RDX: variants seen among roughly 807,000 people sequenced by gnomAD.
The protein encoded by RDX is radixin.
RDX carries 32 observed loss-of-function variants against 83.7 expected under a neutral mutation model. The ratio of observed to expected loss-of-function variants is 0.38; its 90% CI spans 0.29 to 0.51. The LOEUF is 0.51. RDX is among the 20% of genes least tolerant of loss of function. RDX has a pLI of 0.87. For synonymous variants in RDX, 229 were observed against 222.7 expected (o/e 1.03, Z -0.25); for missense variants, 600 against 689.9 (o/e 0.87, Z 1.46).
intron 12 of RDX, 50 bp from the exon 13 acceptor site, chr11:110,233,529 T>A: frequency 6.3e-7 from 1 of 1,589,974 alleles, no homozygotes; most frequent in South Asian, 1.1e-5. Context: ...AAATTAATAA[T>A]CAAAACAATC....
At chr11:110,240,397 G>A (rs1264076676) in intron 10 of RDX, among the ~76,000 whole-genome samples, 1 of 152,108 alleles carries the variant, frequency 6.6e-6, no homozygotes, top group Non-Finnish European at 1.5e-5. Context: ...GAGTTGAAGG[G>A]AGGAGAAAAA....
At chr11:110,205,052 G>T (rs764842991) in intron 14 of RDX, among the ~76,000 whole-genome samples, 1 of 151,948 alleles carries the variant, frequency 6.6e-6, no homozygotes, top group South Asian at 2.1e-4. Flanking sequence ...ATTGACACAG[G>T]GATAGAAACA....
At chr11:110,234,759 T>C (rs1014201148) in intron 12 of RDX, among the ~76,000 whole-genome samples, 1 of 152,208 alleles carries the variant, frequency 6.6e-6, no homozygotes, top group African/African-American at 2.4e-5. Context: ...TTTATTTATA[T>C]ATAACTAATT....
At chr11:110,250,728 A>G (rs758481743) in intron 9 of RDX, among the ~76,000 whole-genome samples, 5 of 152,310 alleles carry the variant, frequency 3.3e-5, no homozygotes, top group Admixed American at 6.5e-5. Flanking sequence ...GAAAAATGGA[A>G]TAAGTATACA....
At chr11:110,258,673 C>A (rs1385754671) in intron 5 of RDX, among the ~76,000 whole-genome samples, 1 of 152,060 alleles carries the variant, frequency 6.6e-6, no homozygotes, top group African/African-American at 2.4e-5. Flanking sequence ...AAAGACCAGA[C>A]TGAAAACCAG....
At chr11:110,225,573 G>T (rs910134805), downstream of RDX, among the ~76,000 whole-genome samples, 6 of 152,202 alleles carry the variant, frequency 3.9e-5, no homozygotes, top group African/African-American at 1.4e-4. Flanking sequence ...ATGAGGTACT[G>T]CTTCACCATT....
chr11:110,252,844 T>C (rs1859395040), intron 9 of RDX, among the ~76,000 whole-genome samples: 1 of 152,128 alleles, frequency 6.6e-6, no homozygotes, highest in Admixed American at 6.6e-5. Flanking sequence ...GTTGCCCTGA[T>C]TGTCTTCAAA....
Position 110,252,437 on chromosome 11 carries a change from T to A in RDX, c.959+1509A>T, listed in dbSNP as rs139501674. Among the ~76,000 whole-genome samples the A allele has an allele frequency of 2.0e-3, 298 of 152,228 alleles. 2 individuals are homozygous for A. The highest frequency in any genetic ancestry group is 8.5e-3 in the East Asian group (44 of 5,188). On this transcript the variant is annotated intron_variant, in intron 9 of 13. Transcript: ENST00000645495. Reference sequence around the variant, plus strand: ...GAGAATGTAAATAATATATCAACATTATGAATGAGCAGAACAGTTAGGCAT... The same window carrying A: ...GAGAATGTAAATAATATATCAACATAATGAATGAGCAGAACAGTTAGGCAT...
chr11:110,222,517 C>T (rs1382609427), intron 14 of RDX, among the ~76,000 whole-genome samples: 14 of 152,144 alleles, frequency 9.2e-5, no homozygotes, highest in African/African-American at 1.7e-4. Context: ...ACTAAATGGA[C>T]CGGGCATGGT....
chr11:110,244,387 A>AAAAG (rs1865223462), intron 10 of RDX, among the ~76,000 whole-genome samples: 2 of 149,322 alleles, frequency 1.3e-5, no homozygotes, highest in African/African-American at 2.5e-5. Context: ...AAAAAAAAAA[A>AAAAG]AGAGAGTGGA....
chr11:110,241,436 A>G (rs1429797605), intron 10 of RDX, among the ~76,000 whole-genome samples: 1 of 152,120 alleles, frequency 6.6e-6, no homozygotes, highest in Non-Finnish European at 1.5e-5. Flanking sequence ...AGCTGGGATT[A>G]CAGACGTGTG....
At chr11:110,242,854 C>T (rs1378410839) in intron 10 of RDX, among the ~76,000 whole-genome samples, 1 of 151,940 alleles carries the variant, frequency 6.6e-6, no homozygotes, top group Non-Finnish European at 1.5e-5. Flanking sequence ...TGGAGCAAAC[C>T]CAATCCAATG....
intron 1 of RDX, among the ~76,000 whole-genome samples, chr11:110,284,331 T>TA: frequency 6.6e-6 from 1 of 152,200 alleles, no homozygotes; most frequent in Non-Finnish European, 1.5e-5. Flanking sequence ...TTCTTTACAA[T>TA]AGCCAATGAT....
chr11:110,244,168 C>T (rs181088801), intron 10 of RDX, among the ~76,000 whole-genome samples: 62 of 151,838 alleles, frequency 4.1e-4, no homozygotes, highest in African/African-American at 1.4e-3. Flanking sequence ...TTGAGACCAG[C>T]CTGACCAACA....
intron 3 of RDX, among the ~76,000 whole-genome samples, chr11:110,271,675 C>T (rs555644305): frequency 6.6e-6 from 1 of 152,218 alleles, no homozygotes; most frequent in African/African-American, 2.4e-5. Context: ...TAAAGCTCCA[C>T]AGGTGACTAA....
chr11:110,273,159 G>T, intron 2 of RDX: 1 of 450,476 alleles, frequency 2.2e-6, no homozygotes, highest in Non-Finnish European at 4.4e-6. Flanking sequence ...GCTGCCGTGA[G>T]CTATGATTGT....
intron 3 of RDX, among the ~76,000 whole-genome samples, chr11:110,268,311 G>GAAAAAAAAAAAAAAAAAAAAAAAA (rs1218065501): frequency 7.6e-6 from 1 of 131,774 alleles, no homozygotes; most frequent in Non-Finnish European, 1.6e-5. Context: ...TCTGTTTCGG[G>GAAAAAAAAAAAAAAAAAAAAAAAA]GAAAAAAAAA....
chr11:110,244,169 C>T (rs1438865216), intron 10 of RDX, among the ~76,000 whole-genome samples: 1 of 151,720 alleles, frequency 6.6e-6, no homozygotes, highest in Admixed American at 6.6e-5. Context: ...TGAGACCAGC[C>T]TGACCAACAT....
chr11:110,261,597 T>G lies in RDX; in HGVS notation c.467+2363A>C, dbSNP rs138413408. Among the ~76,000 whole-genome samples the G allele has an allele frequency of 9.2e-5, 14 of 152,254 alleles. No homozygotes were observed. In the East Asian group the frequency reaches 2.7e-3, roughly 29 times the overall value. ...TGGAATAAGCCAATCACTGTGAAAA[T>G]ATCCTCTCTGTTCTAAACAGAAAAT... is the stretch of plus-strand genomic sequence containing the variant. On this transcript the variant is annotated intron_variant, in intron 5 of 13. Coordinates refer to ENST00000645495, the MANE Select transcript of RDX (RefSeq NM_002906.4).
Sources: allele counts gnomAD v4.1 joint callset (sites outside exome capture counted in the v4.1 genomes callset), GRCh38; gene constraint gnomAD v4.1.1; transcripts MANE v1.5; gene names NCBI Gene and HGNC (gene_info 2026-07-23, HGNC 2026-07-21).